Variants in ZC3H12B observed in about 807,000 individuals in gnomAD.
ZC3H12B encodes zinc finger CCCH-type containing 12B.
Under a neutral mutation model 43.9 loss-of-function variants are expected in ZC3H12B, and 7 were observed. That is an observed-to-expected ratio of 0.16 (90% CI 0.09 to 0.30). ZC3H12B has a LOEUF of 0.30. Ranked by LOEUF, ZC3H12B falls within the 10% of genes least tolerant of loss-of-function variation. ZC3H12B has a pLI of 1.00. For synonymous variants in ZC3H12B, 222 were observed against 241.7 expected, an observed-to-expected ratio of 0.92 and a Z score of 0.76; for missense variants, 475 against 670.2, an observed-to-expected ratio of 0.71 and a Z score of 3.22.
At chrX:65,258,132 C>T in the ZC3H12B span, among the ~76,000 whole-genome samples, 2 of 111,112 alleles carry the variant, frequency 1.8e-5, no homozygotes, top group Non-Finnish European at 3.8e-5. Context: ...GATGCAAAAT[C>T]CTCAACAAAA....
At chrX:65,168,104 G>C in the ZC3H12B span, among the ~76,000 whole-genome samples, 3 of 111,740 alleles carry the variant, frequency 2.7e-5, no homozygotes, top group Admixed American at 2.9e-4. Flanking sequence ...GGACATCCCT[G>C]TCTTGTGCCA....
At chrX:65,059,019 T>C in the ZC3H12B span, among the ~76,000 whole-genome samples, 1 of 112,155 alleles carries the variant, frequency 8.9e-6, no homozygotes, top group Non-Finnish European at 1.9e-5. Flanking sequence ...ACCCCTTGCA[T>C]TTCCCGGGTG....
chrX:65,450,940 T>C (rs2067498258), intron 3 of ZC3H12B, among the ~76,000 whole-genome samples: 1 of 99,520 alleles, frequency 1.0e-5, no homozygotes, highest in Non-Finnish European at 2.0e-5. Flanking sequence ...TATATACACA[T>C]ACATATATAT....
chrX:65,329,970 A>G, the ZC3H12B span, among the ~76,000 whole-genome samples: 1 of 112,165 alleles, frequency 8.9e-6, no homozygotes, highest in African/African-American at 3.2e-5. Flanking sequence ...TATAGTTTGA[A>G]GTCAGGTAAC....
chrX:65,423,317 A>C (rs2067042404), intron 3 of ZC3H12B, among the ~76,000 whole-genome samples: 1 of 112,010 alleles, frequency 8.9e-6, no homozygotes, highest in Non-Finnish European at 1.9e-5. Flanking sequence ...GCTGCAATAA[A>C]CATACATGTG....
the ZC3H12B span, among the ~76,000 whole-genome samples, chrX:65,184,657 G>A: frequency 9.0e-6 from 1 of 111,472 alleles, no homozygotes; most frequent in Non-Finnish European, 1.9e-5. Context: ...TGGAACTGTT[G>A]AAGTGTACTT....
the ZC3H12B span, among the ~76,000 whole-genome samples, chrX:65,197,137 G>A: frequency 3.6e-5 from 4 of 112,122 alleles, no homozygotes; most frequent in Admixed American, 9.4e-5. Context: ...AAGGCAAAAG[G>A]CGCGAGACAA....
At chrX:65,091,030 C>T in the ZC3H12B span, among the ~76,000 whole-genome samples, 1 of 111,253 alleles carries the variant, frequency 9.0e-6, no homozygotes, top group African/African-American at 3.3e-5. Context: ...GAATCACATG[C>T]CTCTCTGCTT....
chrX:65,274,828 G>A, the ZC3H12B span, among the ~76,000 whole-genome samples: 1 of 111,498 alleles, frequency 9.0e-6, no homozygotes, highest in African/African-American at 3.3e-5. Context: ...AAGTCCCCCA[G>A]TCTGGCCAAA....
the ZC3H12B span, among the ~76,000 whole-genome samples, chrX:65,286,610 C>A: frequency 9.1e-6 from 1 of 110,489 alleles, no homozygotes; most frequent in South Asian, 3.8e-4. Flanking sequence ...TATATACACA[C>A]ACACACGTAT....
the ZC3H12B span, among the ~76,000 whole-genome samples, chrX:65,161,678 C>G: frequency 8.9e-6 from 1 of 111,822 alleles, no homozygotes; most frequent in African/African-American, 3.3e-5. Flanking sequence ...GATGCGTTTC[C>G]TGAATACAGC....
the ZC3H12B span, among the ~76,000 whole-genome samples, chrX:65,228,531 C>T: frequency 9.1e-6 from 1 of 110,493 alleles, no homozygotes; most frequent in Non-Finnish European, 1.9e-5. Context: ...AAGTTCTGGC[C>T]AGGGCAATTA....
chrX:65,288,704 T>C, the ZC3H12B span, among the ~76,000 whole-genome samples: 1 of 111,637 alleles, frequency 9.0e-6, no homozygotes, highest in Non-Finnish European at 1.9e-5. Flanking sequence ...ATGCCCACTT[T>C]CACCACTTCT....
At chrX:65,204,370 G>A in the ZC3H12B span, among the ~76,000 whole-genome samples, 4 of 111,439 alleles carry the variant, frequency 3.6e-5, no homozygotes, top group African/African-American at 9.8e-5. Context: ...AGAGGTTTGG[G>A]GAGAGCGAGT....
At chrX:65,394,163 C>A (rs1003707387) in intron 2 of ZC3H12B, among the ~76,000 whole-genome samples, 1 of 112,198 alleles carries the variant, frequency 8.9e-6, no homozygotes, top group Non-Finnish European at 1.9e-5. Flanking sequence ...CCTGTTCACT[C>A]TGAGATAGTT....
At chrX:65,493,739 C>T (rs2068238490) in intron 1 of ZC3H12B, among the ~76,000 whole-genome samples, 1 of 111,748 alleles carries the variant, frequency 8.9e-6, no homozygotes, top group African/African-American at 3.3e-5. Context: ...ACAAAGTGAA[C>T]TGTAGTGTCA....
intron 3 of ZC3H12B, among the ~76,000 whole-genome samples, chrX:65,417,129 A>G (rs944079571): frequency 8.9e-6 from 1 of 111,941 alleles, no homozygotes; most frequent in East Asian, 2.8e-4. Context: ...TCTAAAATGC[A>G]TATTCTGTTC....
chrX:65,122,499 A>C, the ZC3H12B span, among the ~76,000 whole-genome samples: 1 of 111,305 alleles, frequency 9.0e-6, no homozygotes, highest in African/African-American at 3.3e-5. Context: ...TAACCAGCTA[A>C]CATCTTAATG....
the ZC3H12B span, among the ~76,000 whole-genome samples, chrX:65,335,002 G>T: frequency 3.6e-5 from 4 of 111,395 alleles, no homozygotes; most frequent in African/African-American, 1.3e-4. Flanking sequence ...TGATCCGAAC[G>T]TGCAGAGAGT....
Sources: allele counts gnomAD v4.1 joint callset (sites outside exome capture counted in the v4.1 genomes callset), GRCh38; gene constraint gnomAD v4.1.1; transcripts MANE v1.5; gene names NCBI Gene and HGNC (gene_info 2026-07-23, HGNC 2026-07-21).